Variants in PSMA4 observed in about 807,000 individuals in gnomAD.
PSMA4 encodes the protein proteasome subunit alpha type-4.
A neutral mutation model predicts 37.2 loss-of-function variants in PSMA4; 8 were observed. The ratio of observed to expected loss-of-function variants is 0.22; its 90% CI spans 0.13 to 0.39. The LOEUF is 0.39. PSMA4 is among the 10% of genes least tolerant of loss of function. The pLI, the probability that PSMA4 is intolerant of heterozygous loss-of-function variation, is 1.00. For missense variants in PSMA4, 169 were observed against 305.1 expected (o/e 0.55, Z 3.32); for synonymous variants, 93 against 98.8 (o/e 0.94, Z 0.35).
At position 78,542,265 on chromosome 15, in the gene PSMA4, T is replaced by C. The variant is rs768776973; in HGVS notation, c.46+46T>C. On this transcript the variant is annotated intron_variant, in intron 3 of 8. Coordinates refer to ENST00000044462, the MANE Select transcript of PSMA4 (RefSeq NM_002789.6). ...TCTGCCTCAAGTTTAAAAATAAATG[T>C]GTTAGACTTTTAGAAAAAAAAATTA... 5.2e-6 allele frequency: 8 copies of C among 1,542,036 alleles called. No individual in the cohort carries two copies. In the Admixed American group the frequency reaches 6.5e-5, roughly 13 times the overall value.
At chr15:78,547,709 G>A (rs1268599199) in intron 8 of PSMA4, among the ~76,000 whole-genome samples, 2 of 151,736 alleles carry the variant, frequency 1.3e-5, no homozygotes, top group South Asian at 2.1e-4. Context: ...GGTGGTGCAT[G>A]CCTATAAATC....
In PSMA4 at chr15:78,551,262, C is replaced by A. The variant is rs1344181369; in HGVS notation, c.*2318C>A. 3.3e-5 allele frequency: 5 copies of A among 152,192 alleles called. No individual in the cohort carries two copies. Among genetic ancestry groups the A allele is most frequent in the Non-Finnish European group, 7.3e-5 (5 of 68,070 alleles). 9.4% of individuals were successfully genotyped at this position (152,192 alleles called of 1,614,324 possible). A position where few individuals can be genotyped will look rare whatever the true frequency, so the allele number is the denominator to read the frequency against. ...CATCTTGCTCAGTAAGAGTCAAATT[C>A]TTTGTACTGGTTCATGAGGTATCCT... On this transcript the variant is annotated 3_prime_UTR_variant, in exon 9 of 9. Coordinates refer to ENST00000044462, the MANE Select transcript of PSMA4 (RefSeq NM_002789.6).
At chr15:78,545,260 T>C (rs2052531455) in intron 6 of PSMA4, among the ~76,000 whole-genome samples, 1 of 152,220 alleles carries the variant, frequency 6.6e-6, no homozygotes. Context: ...CCTACAGTAG[T>C]ATAGAACACT....
In PSMA4 at chr15:78,551,692, G is replaced by A. The variant is rs2052646065; in HGVS notation, c.*2748G>A. The A allele has an allele frequency of 6.6e-6, 1 of 151,876 alleles. No individual in the cohort carries two copies. Among genetic ancestry groups the A allele is most frequent in the Non-Finnish European group, 1.5e-5 (1 of 68,014 alleles). The allele number at this position is 151,876 out of a possible 1,614,324, so 9.4% of individuals were successfully genotyped here. On this transcript the variant is annotated 3_prime_UTR_variant, in exon 9 of 9. Transcript: ENST00000044462. ...CGGTACCTAGAACAGAAACTGGCAC[G>A]TGTTAGGCAACAAATAAGTACTGAT...
rs528347118 is a variant in PSMA4, at chr15:78,542,790, G to C, written c.209+145G>C. ...TTGCTTGAAACCTCTTTGAGGCCTGGTACCATGTGTTACTCCTTTTAAGTG... is the reference window on the plus strand; with the variant it reads ...TTGCTTGAAACCTCTTTGAGGCCTGCTACCATGTGTTACTCCTTTTAAGTG... On this transcript the variant is annotated intron_variant, in intron 4 of 8. Transcript: ENST00000044462. 71 of 725,248 alleles carry C rather than the reference G, an allele frequency of 9.8e-5. No homozygotes were observed. The Middle Eastern group carries it at 4.0e-3, about 41-fold the overall frequency. 44.9% of individuals were successfully genotyped at this position (725,248 alleles called of 1,614,324 possible). A position where few individuals can be genotyped will look rare whatever the true frequency, so the allele number is the denominator to read the frequency against.
chr15:78,545,369 T>G (rs573953424), intron 6 of PSMA4, among the ~76,000 whole-genome samples: 6 of 152,350 alleles, frequency 3.9e-5, no homozygotes, highest in African/African-American at 1.4e-4. Flanking sequence ...AAAACAACAT[T>G]TTCAAATCTG....
At chr15:78,547,967 G>A (rs530025678) in intron 8 of PSMA4, among the ~76,000 whole-genome samples, 3 of 151,714 alleles carry the variant, frequency 2.0e-5, no homozygotes, top group South Asian at 4.2e-4. Context: ...ATTGGCTCAC[G>A]CCTGTAATCC....
chr15:78,541,679 G>T (rs950820701), intron 1 of PSMA4: 9 of 494,194 alleles, frequency 1.8e-5, no homozygotes, highest in Non-Finnish European at 2.5e-5. Context: ...CCCTACCCCC[G>T]GTTCCTCTTT....
chr15:78,548,507 T>C (rs1488691997), intron 8 of PSMA4, among the ~76,000 whole-genome samples: 1 of 152,184 alleles, frequency 6.6e-6, no homozygotes, highest in African/African-American at 2.4e-5. Context: ...TCAGCACAGC[T>C]AATAGCAGGC....
intron 3 of PSMA4, 31 bp downstream of exon 3, chr15:78,542,250 G>A: frequency 6.4e-7 from 1 of 1,565,512 alleles, no homozygotes; most frequent in Non-Finnish European, 8.6e-7. Flanking sequence ...TCTGCCTCAA[G>A]TTTAAAAATA....
At chr15:78,548,174 TG>T (rs2052589346) in intron 8 of PSMA4, among the ~76,000 whole-genome samples, 1 of 151,666 alleles carries the variant, frequency 6.6e-6, no homozygotes, top group Admixed American at 6.6e-5. Context: ...GAGGTTGCAG[TG>T]AGCCGAGTTT....
intron 5 of PSMA4, chr15:78,544,490 G>A (rs1429934631): frequency 8.3e-6 from 4 of 479,804 alleles, no homozygotes; most frequent in South Asian, 2.4e-5. Flanking sequence ...TAGTAGAGAC[G>A]GGGTTTCACT....
Position 78,549,368 on chromosome 15 carries a change from A to G in PSMA4, c.*424A>G, listed in dbSNP as rs2052612487. 6.5e-6 allele frequency: 1 copy of G among 153,550 alleles called. No homozygotes were observed. 9.5% of individuals were successfully genotyped at this position (153,550 alleles called of 1,614,324 possible). On this transcript the variant is annotated 3_prime_UTR_variant, in exon 9 of 9. Transcript: ENST00000044462. ...GGTTTGAGAATGAACACGTGAGCTG[A>G]ACAAAGCCAGAATTGATGTGTGGGT...
rs189553523 is a variant in PSMA4, at chr15:78,551,818, C to T, written c.*2874C>T. 6.6e-6 allele frequency: 1 copy of T among 152,266 alleles called. No individual in the cohort carries two copies. Among genetic ancestry groups the T allele is most frequent in the East Asian group, 1.9e-4 (1 of 5,172 alleles). The allele number at this position is 152,266 out of a possible 1,614,324, so 9.4% of individuals were successfully genotyped here. ...GGTGGATTTTCTGTATCCTGACTAC[C>T]CCTTCAACATTTGCCTAAAGCTAGG... On this transcript the variant is annotated 3_prime_UTR_variant, in exon 9 of 9. Coordinates refer to ENST00000044462, the MANE Select transcript of PSMA4 (RefSeq NM_002789.6).
intron 5 of PSMA4, 128 bp from the exon 6 acceptor site, chr15:78,544,741 C>T (rs2052521312): frequency 3.6e-6 from 2 of 557,216 alleles, no homozygotes; most frequent in Non-Finnish European, 6.4e-6. Flanking sequence ...GACTTGTTCC[C>T]TCCCCTTCAA....
chr15:78,542,514 A>G lies in PSMA4; in HGVS notation c.78A>G (p.Glu26=). ...GRLYQVEYAM[E]AIGHAGTCLG... ...TATACCAAGTTGAATATGCCATGGAAGCTATTGGACATGCAGGCACCTGTT... is the reference window on the plus strand; with the variant it reads ...TATACCAAGTTGAATATGCCATGGAGGCTATTGGACATGCAGGCACCTGTT... Residue 26 remains glutamate (E), a synonymous_variant, in exon 4 of 9, where the codon GAA becomes GAG. Coordinates refer to ENST00000044462, the MANE Select transcript of PSMA4 (RefSeq NM_002789.6). The G allele has an allele frequency of 6.2e-7, 1 of 1,613,806 alleles. No individual in the cohort carries two copies. The highest frequency in any genetic ancestry group is 8.5e-7 in the Non-Finnish European group (1 of 1,179,956).
At chr15:78,545,225 ATATGT>A (rs1368017361) in intron 6 of PSMA4, among the ~76,000 whole-genome samples, 4 of 152,208 alleles carry the variant, frequency 2.6e-5, no homozygotes, top group Non-Finnish European at 4.4e-5. Flanking sequence ...TTTGAAACTA[ATATGT>A]TATGGTTAAC....
chr15:78,541,763 C>A, intron 1 of PSMA4, 142 bp from the exon 2 acceptor site: 1 of 698,740 alleles, frequency 1.4e-6, no homozygotes, highest in African/African-American at 1.8e-5. Context: ...ACTGGTTTTA[C>A]ACATTTTGGT....
chr15:78,542,590 A>ATCCACAAGCT lies in PSMA4; in HGVS notation c.157_166dup (p.Leu56ProfsTer5). On this transcript the variant is annotated frameshift_variant, in exon 4 of 9. Coordinates refer to ENST00000044462, the MANE Select transcript of PSMA4 (RefSeq NM_002789.6). LOFTEE classifies it high-confidence loss of function. ...TTTGCTTGCAGCAGAGAGACGCAAC[A>ATCCACAAGCT]TCCACAAGCTTCTTGATGAAGTCTT... The ATCCACAAGCT allele has an allele frequency of 6.2e-7, 1 of 1,613,770 alleles. No homozygotes were observed. The highest frequency in any genetic ancestry group is 8.5e-7 in the Non-Finnish European group (1 of 1,179,970).
Sources: allele counts gnomAD v4.1 joint callset (sites outside exome capture counted in the v4.1 genomes callset), GRCh38; gene constraint gnomAD v4.1.1; transcripts MANE v1.5; gene names NCBI Gene and HGNC (gene_info 2026-07-23, HGNC 2026-07-21).